Variants in INKA2 observed in about 807,000 individuals in gnomAD.
INKA2 encodes inka box actin regulator 2, also known as PAK4-inhibitor INKA2.
INKA2 carries 3 observed loss-of-function variants against 9.8 expected under a neutral mutation model. The observed-to-expected ratio is 0.31, with a 90% CI of 0.14 to 0.79. The LOEUF (loss-of-function observed/expected upper bound fraction) is 0.79. INKA2 is among the 30% of genes least tolerant of loss of function. The pLI, the probability that INKA2 is intolerant of heterozygous loss-of-function variation, is 0.62. For missense variants in INKA2, 392 were observed against 384.4 expected (o/e 1.02, Z -0.17); for synonymous variants, 147 against 143.3 (o/e 1.03, Z -0.18).
At chr1:111,754,573 C>T (rs1663484536) in intron 1 of INKA2, 3 of 152,198 alleles carry the variant, frequency 2.0e-5, no homozygotes, top group South Asian at 2.1e-4. Flanking sequence ...CTGCATGTTG[C>T]CCAGGCTGGC....
chr1:111,732,342 G>A (rs1203730088), intron 1 of INKA2, among the ~76,000 whole-genome samples: 2 of 152,126 alleles, frequency 1.3e-5, no homozygotes, highest in Non-Finnish European at 2.9e-5. Flanking sequence ...GGCCAGCTCA[G>A]ATAGACAAAA....
chr1:111,738,400 C>G (rs530558440), intron 1 of INKA2, among the ~76,000 whole-genome samples: 62 of 151,744 alleles, frequency 4.1e-4, no homozygotes, highest in Non-Finnish European at 7.1e-4. Flanking sequence ...TGATTTCCAC[C>G]CCCCCAGACT....
chr1:111,728,826 T>C (rs570824489), intron 1 of INKA2, among the ~76,000 whole-genome samples: 1 of 151,462 alleles, frequency 6.6e-6, no homozygotes, highest in South Asian at 2.1e-4. Context: ...GCCCTAAGCA[T>C]TTCAGATAAG....
intron 1 of INKA2, among the ~76,000 whole-genome samples, chr1:111,732,244 G>T (rs1255951738): frequency 6.6e-6 from 1 of 152,160 alleles, no homozygotes; most frequent in East Asian, 1.9e-4. Flanking sequence ...CCAGAGCTTG[G>T]GATCCTCTCA....
chr1:111,732,031 A>G (rs197437), intron 1 of INKA2, among the ~76,000 whole-genome samples: 20,477 of 152,232 alleles, frequency 0.13, 1,590 homozygotes, highest in African/African-American at 0.21. Context: ...ACTGAAGGGC[A>G]AGAAGGCAGC....
At chr1:111,754,937 G>C (rs1320295544) in intron 1 of INKA2, 1 of 152,122 alleles carries the variant, frequency 6.6e-6, no homozygotes, top group African/African-American at 2.4e-5. Context: ...GGAAAGGCCA[G>C]GGAGCAGAGA....
intron 1 of INKA2, chr1:111,745,229 T>TACACACAC (rs1381620595): frequency 9.2e-6 from 1 of 108,600 alleles, no homozygotes; most frequent in Non-Finnish European, 1.7e-5. Flanking sequence ...GGCAAGCAAA[T>TACACACAC]ATACACACAC....
chr1:111,745,425 C>T (rs1029677607), intron 1 of INKA2: 3 of 149,532 alleles, frequency 2.0e-5, no homozygotes, highest in Admixed American at 6.7e-5. Context: ...GCCGCCAAAG[C>T]AGCTGGGACT....
At chr1:111,753,502 T>C (rs539708970) in intron 1 of INKA2, among the ~76,000 whole-genome samples, 12 of 152,242 alleles carry the variant, frequency 7.9e-5, no homozygotes, top group South Asian at 2.1e-4. Context: ...TACTGCAATA[T>C]TTGTGTCTGT....
chr1:111,739,490 T>TG (rs1663093723), upstream of INKA2: 3 of 1,302,100 alleles, frequency 2.3e-6, no homozygotes, highest in East Asian at 2.9e-5. Context: ...CTTCAGCCAA[T>TG]GGGCAGGGCG....
intron 1 of INKA2, among the ~76,000 whole-genome samples, chr1:111,731,118 C>A (rs894652078): frequency 1.3e-5 from 2 of 152,200 alleles, no homozygotes; most frequent in Non-Finnish European, 2.9e-5. Context: ...TGACATTTTG[C>A]ACAGTTTTCC....
Position 111,726,045 on chromosome 1 carries a change from G to A in INKA2, c.*923C>T, listed in dbSNP as rs537984439. On this transcript the variant is annotated 3_prime_UTR_variant, in exon 2 of 2. Transcript: ENST00000357260. ...AGCCACAGCGCCCAGCCTGCGGGGT[G>A]CTAAGAACTGTTGGGGAGGAGTGTT... 1.8e-5 allele frequency: 7 copies of A among 398,572 alleles called. No homozygotes were observed. The highest frequency in any genetic ancestry group is 6.2e-5 in the African/African-American group (3 of 48,620). 24.7% of individuals were successfully genotyped at this position (398,572 alleles called of 1,614,324 possible).
Position 111,733,202 on chromosome 1 carries a change from G to A in INKA2, c.58-5398C>T, listed in dbSNP as rs537898610. Reference sequence around the variant, plus strand: ...ATGAACACATCTCCTATCTGTTTATGTAAATAGTGTACTTATGAGGGAACT... The same window carrying A: ...ATGAACACATCTCCTATCTGTTTATATAAATAGTGTACTTATGAGGGAACT... On this transcript the variant is annotated intron_variant, in intron 1 of 1. Coordinates refer to ENST00000357260, the MANE Select transcript of INKA2 (RefSeq NM_019099.5). Among the ~76,000 whole-genome samples the A allele has an allele frequency of 2.0e-5, 3 of 152,284 alleles. No individual in the cohort carries two copies. The East Asian group carries it at 5.8e-4, about 29-fold the overall frequency.
In INKA2 at chr1:111,726,906, C is replaced by T; in HGVS notation, c.*62G>A. ...GCCATACCGCCCACCCTCCCTCCTC[C>T]CCAGGGGCCCAGCACTGGGACCTGG... On this transcript the variant is annotated 3_prime_UTR_variant, in exon 2 of 2. Transcript: ENST00000357260. The T allele has an allele frequency of 7.9e-6, 12 of 1,509,482 alleles. No homozygotes were observed. Among genetic ancestry groups the T allele is most frequent in the Non-Finnish European group, 9.9e-6 (11 of 1,110,152 alleles). 93.5% of individuals were successfully genotyped at this position (1,509,482 alleles called of 1,614,324 possible).
At chr1:111,739,141 G>A (rs777786327) in intron 1 of INKA2, 45 bp downstream of exon 1, 1 of 1,588,024 alleles carries the variant, frequency 6.3e-7, no homozygotes, top group South Asian at 1.1e-5. Context: ...GGTGCCCGTC[G>A]GGGCGGAGCA....
intron 1 of INKA2, chr1:111,755,324 G>C (rs1403736390): frequency 3.7e-6 from 1 of 273,762 alleles, no homozygotes; most frequent in Admixed American, 5.4e-5. Context: ...GGACTTGCTA[G>C]GAGATAAATG....
In INKA2 at chr1:111,724,159, T is replaced by C. The variant is rs1016768263; in HGVS notation, c.*2809A>G. The stretch of plus-strand genomic sequence containing the variant: ...GTTGGCAGCAAGTGTTGCTTCCTAA[T>C]TTTTTGTTCTGGCCCAAGTTGAAAC... On this transcript the variant is annotated 3_prime_UTR_variant, in exon 2 of 2. Transcript: ENST00000357260. 2 of 152,244 alleles carry C rather than the reference T, an allele frequency of 1.3e-5. No individual in the cohort carries two copies. The highest frequency in any genetic ancestry group is 4.8e-5 in the African/African-American group (2 of 41,456). The allele number at this position is 152,244 out of a possible 1,614,324, so 9.4% of individuals were successfully genotyped here. A position where few individuals can be genotyped will look rare whatever the true frequency, so the allele number is the denominator to read the frequency against.
chr1:111,755,691 A>G, intron 1 of INKA2: 1 of 1,613,540 alleles, frequency 6.2e-7, no homozygotes, highest in Non-Finnish European at 8.5e-7. Context: ...GGCCACAGGC[A>G]GCGACTCACC....
chr1:111,727,839 C>T (rs1316165420), intron 1 of INKA2, 35 bp from the exon 2 acceptor site: 5 of 1,589,288 alleles, frequency 3.1e-6, no homozygotes, highest in Non-Finnish European at 4.3e-6. Flanking sequence ...GGCCTATGAG[C>T]CACAGTGGGC....
Sources: gnomAD v4.1 joint callset for allele counts (sites outside exome capture counted in the v4.1 genomes callset) on GRCh38, gnomAD v4.1.1 for gene constraint, MANE v1.5 for transcripts, NCBI Gene and HGNC (gene_info 2026-07-23, HGNC 2026-07-21) for gene names.